The following LIMS1 variants were observed in gnomAD, a reference collection of about 807,000 sequenced individuals.
The protein encoded by LIMS1 is LIM zinc finger domain containing 1.
A neutral mutation model predicts 44.1 loss-of-function variants in LIMS1; 18 were observed. The ratio of observed to expected loss-of-function variants is 0.41; its 90% confidence interval spans 0.28 to 0.61. The LOEUF (loss-of-function observed/expected upper bound fraction) is 0.61, where lower values mean the gene tolerates loss of function less well. Ranked by LOEUF, LIMS1 falls within the 20% of genes least tolerant of loss-of-function variation. The probability of loss-of-function intolerance (pLI) is 0.32; values close to 1 mark genes in which losing one functional copy is unlikely to be tolerated. For synonymous variants in LIMS1, 93 were observed against 149.1 expected (o/e 0.62, Z 2.74); for missense variants, 201 against 422.0 (o/e 0.48, Z 4.59).
chr2:108,631,360 A>C (rs1020421077), intron 1 of LIMS1, among the ~76,000 whole-genome samples: 1 of 152,196 alleles, frequency 6.6e-6, no homozygotes, highest in Non-Finnish European at 1.5e-5. Flanking sequence ...TCTGCAAGTC[A>C]GTTATTTTTA....
intron 1 of LIMS1, among the ~76,000 whole-genome samples, chr2:108,571,434 C>T (rs553041867): frequency 8.3e-4 from 127 of 152,288 alleles, no homozygotes; most frequent in Admixed American, 2.1e-3. Flanking sequence ...ATGTTTTGAG[C>T]CACAGTCCAC....
chr2:108,610,311 A>G (rs1687533346), intron 1 of LIMS1, among the ~76,000 whole-genome samples: 1 of 152,068 alleles, frequency 6.6e-6, no homozygotes, highest in Non-Finnish European at 1.5e-5. Context: ...GGCCTCCCAA[A>G]GTGCTGGAAT....
chr2:108,614,564 A>G (rs1687831102), intron 1 of LIMS1, among the ~76,000 whole-genome samples: 1 of 152,234 alleles, frequency 6.6e-6, no homozygotes, highest in East Asian at 1.9e-4. Context: ...CATAGGAAAT[A>G]AAAGTTTTTG....
At chr2:108,614,145 C>G (rs1342779459) in intron 1 of LIMS1, among the ~76,000 whole-genome samples, 1 of 152,178 alleles carries the variant, frequency 6.6e-6, no homozygotes, top group Non-Finnish European at 1.5e-5. Context: ...ACAGACTCTC[C>G]GCATGTGACT....
intron 1 of LIMS1, among the ~76,000 whole-genome samples, chr2:108,620,101 C>A (rs893812387): frequency 1.3e-5 from 2 of 152,132 alleles, no homozygotes; most frequent in Non-Finnish European, 2.9e-5. Context: ...GTGGACCTAG[C>A]GTAACAAATG....
chr2:108,616,197 C>CTTTTTTT (rs1159229290), intron 1 of LIMS1, among the ~76,000 whole-genome samples: 8 of 71,942 alleles, frequency 1.1e-4, no homozygotes, highest in East Asian at 5.5e-4. Context: ...TTTGCATGGG[C>CTTTTTTT]TTTTTTTTTT....
chr2:108,637,030 G>A (rs1228391770), intron 1 of LIMS1, among the ~76,000 whole-genome samples: 1 of 151,704 alleles, frequency 6.6e-6, no homozygotes, highest in Admixed American at 6.6e-5. Flanking sequence ...GCCTTTCTGT[G>A]TACATTTCAC....
chr2:108,577,450 CT>C (rs1466964998), intron 1 of LIMS1, among the ~76,000 whole-genome samples: 1 of 152,198 alleles, frequency 6.6e-6, no homozygotes, highest in Non-Finnish European at 1.5e-5. Context: ...CTTAGTTATC[CT>C]TATGTGCCCC....
chr2:108,563,832 G>T (rs996590773), intron 1 of LIMS1, among the ~76,000 whole-genome samples: 1 of 152,132 alleles, frequency 6.6e-6, no homozygotes, highest in Non-Finnish European at 1.5e-5. Context: ...GCCAAGGTGG[G>T]AGGATTGCTT....
At chr2:108,573,105 G>T (rs1286462239) in intron 1 of LIMS1, among the ~76,000 whole-genome samples, 1 of 152,116 alleles carries the variant, frequency 6.6e-6, no homozygotes, top group Non-Finnish European at 1.5e-5. Flanking sequence ...AATAAAAAAG[G>T]TCATATGAAT....
intron 9 of LIMS1, among the ~76,000 whole-genome samples, chr2:108,683,298 T>C (rs1452937286): frequency 6.6e-6 from 1 of 152,140 alleles, no homozygotes; most frequent in Non-Finnish European, 1.5e-5. Context: ...TATGATTCTT[T>C]CCTTTAGATA....
chr2:108,635,318 C>T (rs1014611687), intron 1 of LIMS1, among the ~76,000 whole-genome samples: 1 of 151,346 alleles, frequency 6.6e-6, no homozygotes, highest in Non-Finnish European at 1.5e-5. Flanking sequence ...ATCCCAGCTA[C>T]TCAGGGGGCC....
intron 2 of LIMS1, chr2:108,662,413 G>A: frequency 6.6e-7 from 1 of 1,519,596 alleles, no homozygotes; most frequent in Non-Finnish European, 8.9e-7. Context: ...CCCTCACACT[G>A]GACTATAAAT....
chr2:108,621,607 CAAG>C, intron 1 of LIMS1: 1 of 652,694 alleles, frequency 1.5e-6, no homozygotes, highest in Admixed American at 2.4e-5. Flanking sequence ...AACACAATAT[CAAG>C]ATTGTACTGA....
At chr2:108,631,822 G>A (rs1688944240) in intron 1 of LIMS1, among the ~76,000 whole-genome samples, 2 of 152,190 alleles carry the variant, frequency 1.3e-5, no homozygotes, top group Non-Finnish European at 2.9e-5. Context: ...TTTTGTGGCT[G>A]ACCAAGACCA....
intron 1 of LIMS1, among the ~76,000 whole-genome samples, chr2:108,609,078 T>G (rs556116759): frequency 6.6e-6 from 1 of 152,184 alleles, no homozygotes; most frequent in East Asian, 1.9e-4. Flanking sequence ...TTCTCTAACA[T>G]AGGTGGGGTT....
At chr2:108,610,893 T>C (rs1053402174) in intron 1 of LIMS1, among the ~76,000 whole-genome samples, 10 of 152,238 alleles carry the variant, frequency 6.6e-5, no homozygotes, top group African/African-American at 2.4e-4. Flanking sequence ...ATAGAAAAGT[T>C]GCAGAGGTCA....
chr2:108,643,284 C>G (rs1055366300), intron 1 of LIMS1, among the ~76,000 whole-genome samples: 16 of 152,340 alleles, frequency 1.1e-4, no homozygotes, highest in African/African-American at 3.6e-4. Flanking sequence ...TTCTGCATTT[C>G]CACCTGAGGT....
At chr2:108,643,484 C>T (rs113482043) in intron 1 of LIMS1, among the ~76,000 whole-genome samples, 28 of 152,296 alleles carry the variant, frequency 1.8e-4, no homozygotes, top group African/African-American at 5.1e-4. Context: ...CCACGGTCTT[C>T]GCAACCCACA....
Sources: gnomAD v4.1 joint callset for allele counts (sites outside exome capture counted in the v4.1 genomes callset) on GRCh38, gnomAD v4.1.1 for gene constraint, MANE v1.5 for transcripts, NCBI Gene and HGNC (gene_info 2026-07-23, HGNC 2026-07-21) for gene names.